The following SIRT1 variants were observed in gnomAD, a reference collection of about 807,000 sequenced individuals.
SIRT1 encodes NAD-dependent protein deacetylase sirtuin-1.
In SIRT1, 24 loss-of-function variants were observed where a neutral mutation model predicts 67.9. The ratio of observed to expected loss-of-function variants is 0.35; its 90% CI spans 0.26 to 0.50. SIRT1 has a LOEUF of 0.50. SIRT1 is among the 20% of genes least tolerant of loss of function. The pLI, the probability that SIRT1 is intolerant of heterozygous loss-of-function variation, is 0.98. For missense variants in SIRT1, 873 were observed against 937.2 expected, an observed-to-expected ratio of 0.93 and a Z score of 0.89; for synonymous variants, 378 against 350.7, an observed-to-expected ratio of 1.08 and a Z score of -0.87.
At chr10:67,891,607 T>C (rs1283578138) in intron 4 of SIRT1, 53 bp downstream of exon 4, 4 of 1,569,644 alleles carry the variant, frequency 2.5e-6, no homozygotes, top group Admixed American at 1.7e-5. Context: ...GAAAAAGTAT[T>C]TTGTTCACAT....
At chr10:67,885,305 G>A in intron 1 of SIRT1, 154 bp downstream of exon 1, 2 of 1,240,924 alleles carry the variant, frequency 1.6e-6, no homozygotes, top group Non-Finnish European at 2.0e-6. Flanking sequence ...GCTCCTCCGG[G>A]GCTGCGGTTC....
At chr10:67,905,079 T>G (rs1165161327) in intron 4 of SIRT1, among the ~76,000 whole-genome samples, 3 of 152,184 alleles carry the variant, frequency 2.0e-5, no homozygotes, top group Non-Finnish European at 2.9e-5. Flanking sequence ...AGTTATTTTA[T>G]TTTTTAAATT....
chr10:67,897,637 C>T (rs1375896988), intron 4 of SIRT1, among the ~76,000 whole-genome samples: 1 of 151,998 alleles, frequency 6.6e-6, no homozygotes, highest in Non-Finnish European at 1.5e-5. Context: ...GCTGGTATTA[C>T]AGGCATGAGC....
At position 67,897,772 on chromosome 10, in the gene SIRT1, A is replaced by G. The variant is rs189355403; in HGVS notation, c.942+6218A>G. 1.3e-3 allele frequency among the ~76,000 whole-genome samples: 204 copies of G among 151,680 alleles called. 5 individuals are homozygous for G. In the East Asian group the frequency reaches 0.034, roughly 25 times the overall value. ...CTTGGCCTCCTAAAGTTCTGGGATTACAGGCGTGAGCCACTTCGCCCAGCC... is the reference window on the plus strand; with the variant it reads ...CTTGGCCTCCTAAAGTTCTGGGATTGCAGGCGTGAGCCACTTCGCCCAGCC... On this transcript the variant is annotated intron_variant, in intron 4 of 8. Coordinates refer to ENST00000212015, the MANE Select transcript of SIRT1 (RefSeq NM_012238.5).
At position 67,885,138 on chromosome 10, in the gene SIRT1, G is replaced by T; in HGVS notation, c.417G>T (p.Ala139=). The T allele has an allele frequency of 1.4e-6, 2 of 1,425,234 alleles. No individual in the cohort carries two copies. Among genetic ancestry groups the T allele is most frequent in the Non-Finnish European group, 1.8e-6 (2 of 1,083,722 alleles). The allele number at this position is 1,425,234 out of a possible 1,614,324, so 88.3% of individuals were successfully genotyped here. The change falls in exon 1 of 9, where the codon GCG becomes GCT. Residue 139 remains alanine, a synonymous_variant. Coordinates refer to ENST00000212015, the MANE Select transcript of SIRT1 (RefSeq NM_012238.5). ...GEEEEEAAAA[A]IGYRDNLLFG... ...AGGAGGAAGAGGCGGCGGCGGCGGCGATTGGGTACCGAGGTGCGCAGGGTG... is the reference window on the plus strand; with the variant it reads ...AGGAGGAAGAGGCGGCGGCGGCGGCTATTGGGTACCGAGGTGCGCAGGGTG...
At chr10:67,893,742 A>G (rs1842610008) in intron 4 of SIRT1, among the ~76,000 whole-genome samples, 2 of 152,030 alleles carry the variant, frequency 1.3e-5, no homozygotes, top group Admixed American at 1.3e-4. Flanking sequence ...ACGGGGATTC[A>G]CTATGTTGGC....
At chr10:67,916,167 T>G (rs35331624) in intron 8 of SIRT1, 98 bp from the exon 9 acceptor site, 1 of 1,068,168 alleles carries the variant, frequency 9.4e-7, no homozygotes, top group Non-Finnish European at 1.3e-6. Flanking sequence ...AGGACACTTA[T>G]AATAAAGGCA....
chr10:67,891,280 A>G (rs566683675), intron 3 of SIRT1, 122 bp from the exon 4 acceptor site: 1 of 784,444 alleles, frequency 1.3e-6, no homozygotes, highest in Non-Finnish European at 2.0e-6. Flanking sequence ...TTTATTTCTT[A>G]AAAGAAGTTT....
At chr10:67,909,199 T>G (rs568360490) in intron 6 of SIRT1, 57 bp from the exon 7 acceptor site, 1 of 1,227,084 alleles carries the variant, frequency 8.1e-7, no homozygotes, top group Non-Finnish European at 1.1e-6. Flanking sequence ...GTTGACTATT[T>G]CTAACTTGGG....
intron 1 of SIRT1, among the ~76,000 whole-genome samples, chr10:67,886,207 C>T (rs1211383830): frequency 6.6e-6 from 1 of 151,908 alleles, no homozygotes; most frequent in Non-Finnish European, 1.5e-5. Context: ...GCCCAAAGTG[C>T]TGGGATTACA....
chr10:67,886,851 TATC>T (rs1207166621), intron 1 of SIRT1, among the ~76,000 whole-genome samples: 1 of 151,572 alleles, frequency 6.6e-6, no homozygotes, highest in African/African-American at 2.4e-5. Context: ...GCTAGATTAT[TATC>T]TTTTCTTTTT....
intron 7 of SIRT1, among the ~76,000 whole-genome samples, chr10:67,910,674 A>G (rs1842884980): frequency 6.6e-6 from 1 of 152,222 alleles, no homozygotes; most frequent in Non-Finnish European, 1.5e-5. Context: ...TCATTCTTGT[A>G]GTAACAGCCA....
intron 1 of SIRT1, 37 bp downstream of exon 1, chr10:67,885,188 C>T (rs1363719302): frequency 2.3e-6 from 3 of 1,308,254 alleles, no homozygotes; most frequent in South Asian, 4.5e-5. Context: ...TGCGCATCTC[C>T]TCCTCCCTCT....
chr10:67,911,289 G>A lies in SIRT1; in HGVS notation c.1358-1185G>A, dbSNP rs1271649216. Among the ~76,000 whole-genome samples, 4 of 152,222 alleles carry A rather than the reference G, an allele frequency of 2.6e-5. No homozygotes were observed. The East Asian group carries it at 7.7e-4, about 29-fold the overall frequency. On this transcript the variant is annotated intron_variant, in intron 7 of 8. Transcript: ENST00000212015. ...GCTCACTGCAGCCTTCAACTCCTGG[G>A]GACAAGCAGTCCTTCCACTTCAGCT... is the stretch of plus-strand genomic sequence containing the variant.
At chr10:67,900,798 T>C (rs1842733757) in intron 4 of SIRT1, among the ~76,000 whole-genome samples, 1 of 152,210 alleles carries the variant, frequency 6.6e-6, no homozygotes, top group Non-Finnish European at 1.5e-5. Flanking sequence ...CGTTTGTATA[T>C]CCTTGAATTA....
Position 67,887,458 on chromosome 10 carries a change from C to T in SIRT1, c.472C>T (p.His158Tyr), listed in dbSNP as rs767540399. 6.2e-7 allele frequency: 1 copy of T among 1,613,838 alleles called. No individual in the cohort carries two copies. Among genetic ancestry groups the T allele is most frequent in the Non-Finnish European group, 8.5e-7 (1 of 1,179,806 alleles). The change falls in exon 2 of 9, where the codon CAT becomes TAT. Residue 158 changes from histidine (H) to tyrosine (Y), a missense_variant. His to Tyr is a moderately conservative substitution (Grantham distance 83, BLOSUM62 2). This residue lies in a region of SIRT1 where 327 missense variants were observed against 283.9 expected (regional missense o/e 1.15). Transcript: ENST00000212015. The stretch of plus-strand genomic sequence containing the variant: ...TGATGAAATTATCACTAATGGTTTT[C>T]ATTCCTGTGAAAGTGATGAGGAGGA... The part of the protein sequence containing the change: ...FGDEIITNGF[H>Y]SCESDEEDRA...
rs1181845230 is a variant in SIRT1 at position 67,884,990 on chromosome 10, A to C, written c.269A>C (p.Gln90Pro). The change falls in exon 1 of 9, where the codon CAA (glutamine) becomes CCA (proline). Residue 90 changes from glutamine to proline, a missense_variant. Coordinates refer to ENST00000212015, the MANE Select transcript of SIRT1 (RefSeq NM_012238.5). ...GAGGCGGCGGCGGCAGGCGGGGAGC[A>C]AGAGGCCCAGGCGACTGCGGCGGCT... is the stretch of plus-strand genomic sequence containing the variant. ...EAEAAAAGGE[Q>P]EAQATAAAGE... 5 of 1,276,130 alleles carry C rather than the reference A, an allele frequency of 3.9e-6. No individual in the cohort carries two copies. Among genetic ancestry groups the C allele is most frequent in the South Asian group, 3.2e-5 (1 of 31,710 alleles). 79.1% of individuals were successfully genotyped at this position (1,276,130 alleles called of 1,614,324 possible).
Position 67,916,294 on chromosome 10 carries a change from C to A in SIRT1, c.1945C>A (p.Arg649Ser). 6.3e-7 allele frequency: 1 copy of A among 1,599,238 alleles called. No individual in the cohort carries two copies. Residue 649 changes from arginine (R) to serine (S), a missense_variant, in exon 9 of 9, where the codon CGT (arginine) becomes AGT (serine). This residue lies in a region of SIRT1 where 295 missense variants were observed against 294.5 expected (regional missense o/e 1.00). Transcript: ENST00000212015. ...TCAGTATCTGTTTTTGCCACCAAAT[C>A]GTTACATTTTCCATGGCGCTGAGGT... Reference protein sequence around the residue: ...GNQYLFLPPNRYIFHGAEVYS... With the variant: ...GNQYLFLPPNSYIFHGAEVYS...
Position 67,891,414 on chromosome 10 carries a change from T to C in SIRT1, c.802T>C (p.Cys268Arg). The C allele has an allele frequency of 6.2e-7, 1 of 1,614,020 alleles. No homozygotes were observed. The highest frequency in any genetic ancestry group is 8.5e-7 in the Non-Finnish European group (1 of 1,179,926). Residue 268 changes from cysteine to arginine, a missense_variant, in exon 4 of 9, where the codon TGT becomes CGT. Coordinates refer to ENST00000212015, the MANE Select transcript of SIRT1 (RefSeq NM_012238.5). The part of the protein sequence containing the change: ...VLTGAGVSVS[C>R]GIPDFRSRDG... ...ATGCACATTTTAGGTGTCTGTTTCA[T>C]GTGGAATACCTGACTTCAGGTCAAG...
Sources: allele counts gnomAD v4.1 joint callset (sites outside exome capture counted in the v4.1 genomes callset), GRCh38; gene constraint gnomAD v4.1.1; regional missense constraint gnomAD v4.1.1; transcripts MANE v1.5; gene names NCBI Gene and HGNC (gene_info 2026-07-23, HGNC 2026-07-21).